The following FSTL5 variants were observed in gnomAD, a reference collection of about 807,000 sequenced individuals.
The protein encoded by FSTL5 is follistatin like 5.
FSTL5 carries 62 observed loss-of-function variants against 89.1 expected under a neutral mutation model. The ratio of observed to expected loss-of-function variants is 0.70; its 90% CI spans 0.57 to 0.86. FSTL5 has a LOEUF of 0.86. FSTL5 is among the 40% of genes least tolerant of loss of function. The pLI is 0.00. For missense variants in FSTL5, 1,057 were observed against 1,001.6 expected, an observed-to-expected ratio of 1.06 and a Z score of -0.75; for synonymous variants, 383 against 346.2, an observed-to-expected ratio of 1.11 and a Z score of -1.18.
At chr4:161,902,599 G>A (rs1579181452) in intron 4 of FSTL5, among the ~76,000 whole-genome samples, 1 of 152,120 alleles carries the variant, frequency 6.6e-6, no homozygotes, top group African/African-American at 2.4e-5. Context: ...TGTAATCCCA[G>A]CACTTTGGGA....
intron 1 of FSTL5, among the ~76,000 whole-genome samples, chr4:162,112,775 T>TCTCACACA (rs1554000431): frequency 7.2e-6 from 1 of 139,328 alleles, no homozygotes. Context: ...ACCGACACAA[T>TCTCACACA]CACACACACA....
intron 6 of FSTL5, among the ~76,000 whole-genome samples, chr4:161,669,128 T>TAA (rs1283912253): frequency 8.8e-6 from 1 of 113,630 alleles, no homozygotes; most frequent in East Asian, 2.3e-4. Flanking sequence ...AAAAAAAAAA[T>TAA]AAAATAAAAT....
rs1232391580 is a variant in FSTL5, at chr4:162,019,024, C to A, written c.160+14601G>T. On this transcript the variant is annotated intron_variant, in intron 3 of 15. Transcript: ENST00000306100. The stretch of plus-strand genomic sequence containing the variant: ...TAATGTCATGTTGCAGGATCTGCAG[C>A]CCTTTGATAATATTATTCGTGTTAT... 2.0e-5 allele frequency among the ~76,000 whole-genome samples: 3 copies of A among 151,976 alleles called. No homozygotes were observed. In the South Asian group the frequency reaches 6.2e-4, roughly 32 times the overall value.
At chr4:161,958,131 G>GT (rs1230943412) in intron 3 of FSTL5, among the ~76,000 whole-genome samples, 1 of 151,800 alleles carries the variant, frequency 6.6e-6, no homozygotes, top group African/African-American at 2.4e-5. Context: ...TTCTTCCACT[G>GT]TATCTATCCT....
rs780653236 is a variant in FSTL5 at position 161,385,879 on chromosome 4, G to A, written c.2412C>T (p.Gly804=). 6.2e-7 allele frequency: 1 copy of A among 1,613,828 alleles called. No homozygotes were observed. The highest frequency in any genetic ancestry group is 8.5e-7 in the Non-Finnish European group (1 of 1,179,894). Residue 804 remains glycine (G), a synonymous_variant, in exon 16 of 16, where the codon GGC becomes GGT. Coordinates refer to ENST00000306100, the MANE Select transcript of FSTL5 (RefSeq NM_020116.5). The stretch of plus-strand genomic sequence containing the variant: ...GTGTCATCAGGTATTGACCAAACAA[G>A]CCACTGTCCTGGATTTGCCTGTTTT... ...NRKNRQIQDS[G]LFGQYLMTPS...
intron 1 of FSTL5, among the ~76,000 whole-genome samples, chr4:162,125,985 A>C (rs1265093766): frequency 6.6e-6 from 1 of 152,042 alleles, no homozygotes; most frequent in Non-Finnish European, 1.5e-5. Context: ...GTAGAGGCCT[A>C]CAAAGTCTAA....
chr4:161,992,745 G>A (rs1468408103), intron 3 of FSTL5, among the ~76,000 whole-genome samples: 2 of 149,748 alleles, frequency 1.3e-5, no homozygotes, highest in Non-Finnish European at 3.0e-5. Flanking sequence ...CCGGGAGCCT[G>A]AGGCATGAGA....
Position 162,163,644 on chromosome 4 carries a change from G to A in FSTL5, c.-46C>T, listed in dbSNP as rs1197204089. On this transcript the variant is annotated 5_prime_UTR_variant, in exon 1 of 16. Coordinates refer to ENST00000306100, the MANE Select transcript of FSTL5 (RefSeq NM_020116.5). Reference sequence around the variant, plus strand: ...TTTTAACAGTCACAAAAGTCCCCCAGAAAGATTCCTAAACGCTGTGGAAAT... The same window carrying A: ...TTTTAACAGTCACAAAAGTCCCCCAAAAAGATTCCTAAACGCTGTGGAAAT... 1.3e-5 allele frequency: 2 copies of A among 148,564 alleles called. No individual in the cohort carries two copies. Among genetic ancestry groups the A allele is most frequent in the Non-Finnish European group, 1.5e-5 (1 of 67,248 alleles). 9.2% of individuals were successfully genotyped at this position (148,564 alleles called of 1,614,324 possible). A position where few individuals can be genotyped will look rare whatever the true frequency, so the allele number is the denominator to read the frequency against.
intron 3 of FSTL5, among the ~76,000 whole-genome samples, chr4:161,959,317 C>A (rs1048476146): frequency 6.6e-6 from 1 of 151,982 alleles, no homozygotes; most frequent in East Asian, 1.9e-4. Context: ...ACATATTTCC[C>A]ATGTCTTAAC....
intron 3 of FSTL5, among the ~76,000 whole-genome samples, chr4:161,937,239 A>C (rs555055390): frequency 1.3e-5 from 2 of 152,282 alleles, no homozygotes; most frequent in East Asian, 3.9e-4. Flanking sequence ...CTTTATAAAA[A>C]TCAATGATGT....
intron 3 of FSTL5, among the ~76,000 whole-genome samples, chr4:162,010,197 A>G (rs888056759): frequency 6.6e-6 from 1 of 152,032 alleles, no homozygotes; most frequent in Non-Finnish European, 1.5e-5. Context: ...ATCACAAACT[A>G]TTTTCTTTAC....
At chr4:162,052,429 A>G (rs921109799) in intron 2 of FSTL5, among the ~76,000 whole-genome samples, 2 of 151,838 alleles carry the variant, frequency 1.3e-5, no homozygotes, top group Admixed American at 6.6e-5. Flanking sequence ...AATGGTTTCT[A>G]TATTATAATA....
intron 4 of FSTL5, among the ~76,000 whole-genome samples, chr4:161,867,417 T>A (rs1227595445): frequency 6.6e-6 from 1 of 151,910 alleles, no homozygotes; most frequent in Admixed American, 6.6e-5. Context: ...AGACAAAGCA[T>A]AAATAGGCAA....
intron 4 of FSTL5, among the ~76,000 whole-genome samples, chr4:161,815,962 T>C (rs1190433015): frequency 6.6e-6 from 1 of 152,174 alleles, no homozygotes; most frequent in African/African-American, 2.4e-5. Flanking sequence ...AAAAATACAG[T>C]GTCTTGAAAG....
At chr4:161,945,612 C>T (rs928133151) in intron 3 of FSTL5, among the ~76,000 whole-genome samples, 1 of 151,982 alleles carries the variant, frequency 6.6e-6, no homozygotes, top group African/African-American at 2.4e-5. Flanking sequence ...ATTAGCCGGG[C>T]GTAGTGGCAT....
At chr4:161,673,959 C>A (rs1257372094) in intron 6 of FSTL5, among the ~76,000 whole-genome samples, 1 of 151,618 alleles carries the variant, frequency 6.6e-6, no homozygotes, top group East Asian at 1.9e-4. Flanking sequence ...AAATTAAGGC[C>A]ATTTTAAGAC....
chr4:161,893,429 A>G (rs1213963176), intron 4 of FSTL5, among the ~76,000 whole-genome samples: 1 of 152,060 alleles, frequency 6.6e-6, no homozygotes, highest in African/African-American at 2.4e-5. Context: ...TCTTACCATA[A>G]TTTTTTGATT....
At chr4:162,082,678 C>A (rs1730147774) in intron 2 of FSTL5, among the ~76,000 whole-genome samples, 1 of 151,326 alleles carries the variant, frequency 6.6e-6, no homozygotes, top group South Asian at 2.1e-4. Flanking sequence ...GCATTTATAA[C>A]CTCTAAATAT....
chr4:162,082,704 T>C (rs1310438370), intron 2 of FSTL5, among the ~76,000 whole-genome samples: 3 of 151,626 alleles, frequency 2.0e-5, no homozygotes, highest in Admixed American at 6.6e-5. Context: ...CATCAACTTG[T>C]GGAAACTCTC....
Sources: allele counts gnomAD v4.1 joint callset (sites outside exome capture counted in the v4.1 genomes callset), GRCh38; gene constraint gnomAD v4.1.1; transcripts MANE v1.5; gene names NCBI Gene and HGNC (gene_info 2026-07-23, HGNC 2026-07-21).